The following ANKRD17 variants were observed in gnomAD, a reference collection of about 807,000 sequenced individuals.
ANKRD17 encodes ankyrin repeat domain-containing protein 17.
In ANKRD17, 19 loss-of-function variants were observed where a neutral mutation model predicts 229.7. The observed-to-expected ratio is 0.08, with a 90% confidence interval of 0.06 to 0.12. The LOEUF (loss-of-function observed/expected upper bound fraction) is 0.12. ANKRD17 is among the 10% of genes least tolerant of loss of function. The probability of loss-of-function intolerance (pLI) is 1.00; values close to 1 mark genes in which losing one functional copy is unlikely to be tolerated. For synonymous variants in ANKRD17, 1,112 were observed against 1,146.1 expected, an observed-to-expected ratio of 0.97 and a Z score of 0.60; for missense variants, 2,176 against 3,176.8, an observed-to-expected ratio of 0.68 and a Z score of 7.57.
Position 73,078,857 on chromosome 4 carries a change from C to T in ANKRD17, c.7193G>A (p.Arg2398His), listed in dbSNP as rs192774777. ...TGATGATGGGGCAGGAGATGGTGCA[C>T]GAACTCCCGAGGATACTGACTGTGC... ...SSAQSVSSGV[R>H]APSPAPSSVP... The change falls in exon 31 of 34, where the codon CGT becomes CAT. Residue 2398 changes from arginine to histidine, a missense_variant. This residue lies in a region of ANKRD17 where 87 missense variants were observed against 116.0 expected (regional missense o/e 0.75). Transcript: ENST00000358602. The T allele has an allele frequency of 3.7e-6, 6 of 1,614,054 alleles. No homozygotes were observed. The highest frequency in any genetic ancestry group is 3.3e-5 in the Admixed American group (2 of 60,014).
At chr4:73,198,387 T>C (rs1310487344) in intron 1 of ANKRD17, among the ~76,000 whole-genome samples, 1 of 152,200 alleles carries the variant, frequency 6.6e-6, no homozygotes, top group African/African-American at 2.4e-5. Flanking sequence ...AACAAATTTG[T>C]ATACCCAATG....
chr4:73,166,525 T>C (rs1408528126), intron 2 of ANKRD17, among the ~76,000 whole-genome samples: 2 of 152,140 alleles, frequency 1.3e-5, no homozygotes, highest in Admixed American at 6.5e-5. Context: ...AAGAAATATA[T>C]TGGATACCTA....
intron 28 of ANKRD17, among the ~76,000 whole-genome samples, 155 bp from the exon 29 acceptor site, chr4:73,092,455 A>T (rs1722884481): frequency 6.6e-6 from 1 of 152,242 alleles, no homozygotes; most frequent in Non-Finnish European, 1.5e-5. Flanking sequence ...AAAGCTGGGC[A>T]GCAATTTTCT....
intron 26 of ANKRD17, among the ~76,000 whole-genome samples, 190 bp from the exon 27 acceptor site, chr4:73,097,462 T>C (rs1054696856): frequency 6.6e-6 from 1 of 151,574 alleles, no homozygotes; most frequent in Non-Finnish European, 1.5e-5. Context: ...TTGAGACAGG[T>C]CTTGCTCTGT....
intron 16 of ANKRD17, among the ~76,000 whole-genome samples, chr4:73,130,759 C>A (rs1444948755): frequency 6.6e-6 from 1 of 151,848 alleles, no homozygotes; most frequent in Non-Finnish European, 1.5e-5. Context: ...GTTTTTATAG[C>A]CCAAGAACAA....
At chr4:73,246,127 G>A (rs963113285) in intron 1 of ANKRD17, among the ~76,000 whole-genome samples, 2 of 152,164 alleles carry the variant, frequency 1.3e-5, no homozygotes, top group Non-Finnish European at 2.9e-5. Context: ...GAAACAGACA[G>A]CAGTGAAAAG....
intron 1 of ANKRD17, among the ~76,000 whole-genome samples, chr4:73,220,193 T>A (rs551235231): frequency 2.0e-5 from 3 of 152,166 alleles, no homozygotes; most frequent in South Asian, 2.1e-4. Context: ...ATTATAATCA[T>A]GTCTCAGGAA....
Position 73,139,770 on chromosome 4 carries a change from C to T in ANKRD17, c.2846G>A (p.Gly949Asp), listed in dbSNP as rs775339563. The T allele has an allele frequency of 3.1e-6, 5 of 1,614,198 alleles. No individual in the cohort carries two copies. The highest frequency in any genetic ancestry group is 4.2e-6 in the Non-Finnish European group (5 of 1,180,030). Residue 949 changes from glycine to aspartate, a missense_variant, in exon 15 of 34, where the codon GGT becomes GAT. Gly to Asp is a moderately conservative substitution (Grantham distance 94). Coordinates refer to ENST00000358602, the MANE Select transcript of ANKRD17 (RefSeq NM_032217.5). ...DEPQQTAAQM[G>D]FAPIQPLAMP... ...CGCCAGAGGCTGGATTGGCGCAAAA[C>T]CCATCTGAGCAGCAGTCTGCTGGGG...
intron 2 of ANKRD17, among the ~76,000 whole-genome samples, chr4:73,161,691 C>T (rs1453440465): frequency 6.6e-6 from 1 of 152,050 alleles, no homozygotes; most frequent in Non-Finnish European, 1.5e-5. Context: ...GCTATTTAGC[C>T]ACTTTTGTCA....
intron 1 of ANKRD17, among the ~76,000 whole-genome samples, chr4:73,251,888 A>G (rs1025483508): frequency 2.6e-5 from 4 of 152,226 alleles, no homozygotes; most frequent in African/African-American, 9.6e-5. Flanking sequence ...CGAGAGTCAA[A>G]ATATGCTACT....
intron 18 of ANKRD17, among the ~76,000 whole-genome samples, chr4:73,124,243 A>T (rs181817355): frequency 4.3e-4 from 60 of 139,820 alleles, no homozygotes; most frequent in Non-Finnish European, 7.7e-4. Context: ...GAATCTATGG[A>T]GACAACACAT....
chr4:73,171,206 AG>A (rs1490207920), intron 2 of ANKRD17, among the ~76,000 whole-genome samples: 2 of 151,342 alleles, frequency 1.3e-5, no homozygotes, highest in East Asian at 1.9e-4. Flanking sequence ...AGAGAGAGAG[AG>A]AGAGAGAGAG....
At chr4:73,171,348 T>G (rs190329283) in intron 2 of ANKRD17, among the ~76,000 whole-genome samples, 1 of 152,156 alleles carries the variant, frequency 6.6e-6, no homozygotes, top group Admixed American at 6.5e-5. Flanking sequence ...TAAAAAATCA[T>G]AGCGATACTG....
intron 1 of ANKRD17, among the ~76,000 whole-genome samples, chr4:73,250,523 C>T (rs1405814942): frequency 1.6e-5 from 2 of 128,654 alleles, no homozygotes; most frequent in Non-Finnish European, 1.6e-5. Flanking sequence ...TTGCTTGAAC[C>T]CGGGAGGTGG....
chr4:73,132,736 C>G lies in ANKRD17; in HGVS notation c.3234+2381G>C, dbSNP rs1323415030. Among the ~76,000 whole-genome samples the G allele has an allele frequency of 2.0e-5, 3 of 152,050 alleles. No individual in the cohort carries two copies. The East Asian group carries it at 5.8e-4, about 29-fold the overall frequency. On this transcript the variant is annotated intron_variant, in intron 16 of 33. Transcript: ENST00000358602. ...GTAACTTCTCAGAACTAAGTTATAACATGGTGATAGTTGGTGAGTGGTACA... is the reference window on the plus strand; with the variant it reads ...GTAACTTCTCAGAACTAAGTTATAAGATGGTGATAGTTGGTGAGTGGTACA...
chr4:73,125,319 G>T lies in ANKRD17; in HGVS notation c.3235-7C>A, dbSNP rs1438707030. The T allele has an allele frequency of 2.2e-5, 34 of 1,570,840 alleles. No individual in the cohort carries two copies. Among genetic ancestry groups the T allele is most frequent in the Non-Finnish European group, 2.8e-5 (32 of 1,158,608 alleles). On this transcript the variant is annotated splice_region_variant and splice_polypyrimidine_tract_variant and intron_variant, in intron 16 of 33. Transcript: ENST00000358602. Reference sequence around the variant, plus strand: ...TGTCATGATTACTCTCAGTCTATAAGAAATTATTTTTTGGTTAGTTTATTA... The same window carrying T: ...TGTCATGATTACTCTCAGTCTATAATAAATTATTTTTTGGTTAGTTTATTA...
chr4:73,224,319 T>C (rs1304157909), intron 1 of ANKRD17, among the ~76,000 whole-genome samples: 1 of 152,212 alleles, frequency 6.6e-6, no homozygotes, highest in Non-Finnish European at 1.5e-5. Flanking sequence ...TTGCTGGTAC[T>C]ATCTCCTCAA....
intron 18 of ANKRD17, among the ~76,000 whole-genome samples, chr4:73,122,072 G>C (rs1726812660): frequency 6.6e-6 from 1 of 152,152 alleles, no homozygotes; most frequent in Non-Finnish European, 1.5e-5. Context: ...CGGTAAAATA[G>C]AGTAATATGG....
Position 73,085,339 on chromosome 4 carries a change from G to A in ANKRD17, c.7069C>T (p.Pro2357Ser). The stretch of plus-strand genomic sequence containing the variant: ...GCAGCTGCGGGTGCTCCTCCAAGGG[G>A]TGCCCCAGGTCCGTACATCTGACCT... ...SGGQMYGPGA[P>S]LGGAPAAANF... The change falls in exon 30 of 34, where the codon CCC becomes TCC. Residue 2357 changes from proline to serine, a missense_variant. Pro to Ser is a moderately conservative substitution (Grantham distance 74). This residue lies in a region of ANKRD17 where 87 missense variants were observed against 116.0 expected (regional missense o/e 0.75). Coordinates refer to ENST00000358602, the MANE Select transcript of ANKRD17 (RefSeq NM_032217.5). 1 of 1,614,114 alleles carries A rather than the reference G, an allele frequency of 6.2e-7. No homozygotes were observed. Among genetic ancestry groups the A allele is most frequent in the Non-Finnish European group, 8.5e-7 (1 of 1,180,020 alleles).
Sources: gnomAD v4.1 joint callset for allele counts (sites outside exome capture counted in the v4.1 genomes callset) on GRCh38, gnomAD v4.1.1 for gene constraint, gnomAD v4.1.1 regional missense constraint, MANE v1.5 for transcripts, NCBI Gene and HGNC (gene_info 2026-07-23, HGNC 2026-07-21) for gene names.